Variants in IFT74 observed in about 807,000 individuals in gnomAD.
IFT74 encodes the protein intraflagellar transport protein 74 homolog.
IFT74 carries 92 observed loss-of-function variants against 96.7 expected under a neutral mutation model. The observed-to-expected ratio is 0.95, with a 90% CI of 0.80 to 1.13. The LOEUF (loss-of-function observed/expected upper bound fraction) is 1.13. Ranked by LOEUF, IFT74 falls within the 50% of genes most tolerant of loss-of-function variation. The pLI is 0.00. For synonymous variants in IFT74, 223 were observed against 213.2 expected, an observed-to-expected ratio of 1.05 and a Z score of -0.40; for missense variants, 811 against 698.2, an observed-to-expected ratio of 1.16 and a Z score of -1.82.
chr9:26,982,489 T>C, intron 4 of IFT74: 1 of 339,134 alleles, frequency 2.9e-6, no homozygotes, highest in Middle Eastern at 1.1e-3. Flanking sequence ...AGAGTTTTGC[T>C]CTTGTTGCCC....
intron 1 of IFT74, 70 bp from the exon 2 acceptor site, chr9:26,961,879 G>C: frequency 1.3e-6 from 2 of 1,499,220 alleles, no homozygotes; most frequent in Non-Finnish European, 1.8e-6. Flanking sequence ...AAATGTAAGG[G>C]TATGATGGGT....
At position 27,033,401 on chromosome 9, in the gene IFT74, A is replaced by AG. The variant is rs200941056; in HGVS notation, c.1054+4297_1054+4298insG. ...GGCGAAAACCTGTCTCTACAAAAAA[A>AG]TACAAAAATTAGCCAGGCATGGTGA... On this transcript the variant is annotated intron_variant, in intron 13 of 19. Transcript: ENST00000380062. Among the ~76,000 whole-genome samples, 644 of 151,930 alleles carry AG rather than the reference A, an allele frequency of 4.2e-3. 20 individuals carry two copies. Among genetic ancestry groups the AG allele is most frequent in the Admixed American group, 0.04 (610 of 15,266 alleles).
intron 8 of IFT74, among the ~76,000 whole-genome samples, chr9:27,001,760 C>T (rs901210549): frequency 1.3e-5 from 2 of 151,866 alleles, no homozygotes; most frequent in South Asian, 2.1e-4. Context: ...TTTCTCATTC[C>T]GTGGGTTGTC....
At chr9:27,009,564 C>T (rs772306668) in intron 9 of IFT74, among the ~76,000 whole-genome samples, 9 of 152,038 alleles carry the variant, frequency 5.9e-5, no homozygotes, top group Middle Eastern at 3.4e-3. Context: ...CTTGCAGTTA[C>T]AGACTTTTAA....
intron 8 of IFT74, among the ~76,000 whole-genome samples, chr9:27,001,308 T>A (rs1171651894): frequency 6.6e-6 from 1 of 152,184 alleles, no homozygotes; most frequent in Non-Finnish European, 1.5e-5. Context: ...CTCTTTTTTT[T>A]AAATGTATAC....
chr9:26,947,306 A>C (rs1825769664), intron 1 of IFT74: 1 of 466,092 alleles, frequency 2.1e-6, no homozygotes, highest in Non-Finnish European at 3.8e-6. Context: ...GTGCGTCCCA[A>C]CCGCCGACGC....
Position 27,048,237 on chromosome 9 carries a change from G to A in IFT74, c.1296G>A (p.Val432=). ...ACCTCAATTTTAAATCTACTGAAGT[G>A]CAGAAATCACAAAGTACAGCTCAGA... ...QDDLNFKSTE[V]QKSQSTAQNL... The change falls in exon 16 of 20, where the codon GTG becomes GTA. Residue 432 remains valine, a synonymous_variant. Transcript: ENST00000380062. The A allele has an allele frequency of 1.2e-6, 2 of 1,607,630 alleles. No individual in the cohort carries two copies. The highest frequency in any genetic ancestry group is 1.7e-6 in the Non-Finnish European group (2 of 1,175,976).
chr9:26,958,555 TG>T (rs1181079462), intron 1 of IFT74, among the ~76,000 whole-genome samples: 2 of 152,180 alleles, frequency 1.3e-5, no homozygotes, highest in Non-Finnish European at 2.9e-5. Context: ...AGTAGAACTA[TG>T]TGACCAGCCA....
chr9:26,962,114 T>C (rs781626080), intron 2 of IFT74, 27 bp downstream of exon 2: 4 of 1,612,814 alleles, frequency 2.5e-6, no homozygotes, highest in Non-Finnish European at 2.5e-6. Context: ...TCTATTTACT[T>C]TGGGAGGCCA....
In IFT74 at chr9:27,012,430, C is replaced by T. The variant is rs559282686; in HGVS notation, c.789+462C>T. ...TTGTAAAGACAGGGTCTCGTTATGG[C>T]TGATGTACAGCTCCTGGCCTCAAGC... On this transcript the variant is annotated intron_variant, in intron 10 of 19. Transcript: ENST00000380062. Among the ~76,000 whole-genome samples the T allele has an allele frequency of 3.3e-5, 5 of 151,940 alleles. No homozygotes were observed. The South Asian group carries it at 8.3e-4, about 25-fold the overall frequency.
At chr9:27,013,679 C>A (rs1423618373) in intron 10 of IFT74, among the ~76,000 whole-genome samples, 1 of 151,970 alleles carries the variant, frequency 6.6e-6, no homozygotes, top group Non-Finnish European at 1.5e-5. Flanking sequence ...TCATTTTTGG[C>A]CAATGAATTT....
chr9:26,995,810 CCAA>C (rs750148335), intron 8 of IFT74: 1 of 1,608,322 alleles, frequency 6.2e-7, no homozygotes, highest in Admixed American at 1.7e-5. Context: ...GACAACAACA[CCAA>C]CAAGAAAAGC....
intron 6 of IFT74, among the ~76,000 whole-genome samples, chr9:26,985,088 AAT>A (rs1827578688): frequency 6.6e-6 from 1 of 152,238 alleles, no homozygotes; most frequent in Non-Finnish European, 1.5e-5. Flanking sequence ...GGTTAAAGAA[AAT>A]GTGGTACCTA....
chr9:26,998,128 GTC>G, intron 8 of IFT74: 2 of 1,611,610 alleles, frequency 1.2e-6, no homozygotes, highest in Non-Finnish European at 1.7e-6. Context: ...GAACTCTTGT[GTC>G]TGTACCATTA....
intron 14 of IFT74, 38 bp from the exon 15 acceptor site, chr9:27,047,236 T>C (rs757729403): frequency 8.2e-7 from 1 of 1,218,232 alleles, no homozygotes. Context: ...GTGTTAACTC[T>C]ATCAGCAGTA....
intron 1 of IFT74, among the ~76,000 whole-genome samples, chr9:26,958,076 T>C (rs1471706233): frequency 1.3e-5 from 2 of 152,192 alleles, no homozygotes; most frequent in African/African-American, 4.8e-5. Context: ...TTTAACAATT[T>C]AGTAAATTTT....
chr9:27,005,903 G>A (rs910073369), intron 8 of IFT74, among the ~76,000 whole-genome samples: 1 of 152,018 alleles, frequency 6.6e-6, no homozygotes, highest in Non-Finnish European at 1.5e-5. Flanking sequence ...GCAGTGGCAT[G>A]ATCTCGGCTC....
chr9:27,024,134 C>T (rs1343791091), intron 12 of IFT74, among the ~76,000 whole-genome samples: 1 of 152,212 alleles, frequency 6.6e-6, no homozygotes, highest in Non-Finnish European at 1.5e-5. Flanking sequence ...AATTCCACTG[C>T]CTGTAACATC....
Position 27,050,387 on chromosome 9 carries a change from A to C in IFT74, c.1333+2113A>C, listed in dbSNP as rs552955682. On this transcript the variant is annotated intron_variant, in intron 16 of 19. Coordinates refer to ENST00000380062, the MANE Select transcript of IFT74 (RefSeq NM_025103.4). ...ACTAGACATACTTAAAAGGGCTCAAAAATCACATGTGGCTAATGGCTGCCA... is the reference window on the plus strand; with the variant it reads ...ACTAGACATACTTAAAAGGGCTCAACAATCACATGTGGCTAATGGCTGCCA... Among the ~76,000 whole-genome samples, 17 of 152,304 alleles carry C rather than the reference A, an allele frequency of 1.1e-4. No homozygotes were observed. The South Asian group carries it at 3.5e-3, about 32-fold the overall frequency.
Sources: allele counts gnomAD v4.1 joint callset (sites outside exome capture counted in the v4.1 genomes callset), GRCh38; gene constraint gnomAD v4.1.1; transcripts MANE v1.5; gene names NCBI Gene and HGNC (gene_info 2026-07-23, HGNC 2026-07-21).